Variants in ATP8A2 observed in about 807,000 individuals in gnomAD.
ATP8A2 encodes the protein ATPase phospholipid transporting 8A2, also known as phospholipid-transporting ATPase IB.
In ATP8A2, 100 loss-of-function variants were observed where a neutral mutation model predicts 165.6. The ratio of observed to expected loss-of-function variants is 0.60; its 90% CI spans 0.51 to 0.71. ATP8A2 has a LOEUF of 0.71. Ranked by LOEUF, ATP8A2 falls within the 30% of genes least tolerant of loss-of-function variation. ATP8A2 has a pLI of 0.00. For synonymous variants in ATP8A2, 543 were observed against 548.8 expected, an observed-to-expected ratio of 0.99 and a Z score of 0.15; for missense variants, 1,227 against 1,479.5, an observed-to-expected ratio of 0.83 and a Z score of 2.80.
intron 33 of ATP8A2, among the ~76,000 whole-genome samples, chr13:25,893,109 T>C (rs1330581341): frequency 6.6e-6 from 1 of 152,018 alleles, no homozygotes. Context: ...TGCAGGTTTG[T>C]TACATATGTA....
chr13:25,601,878 G>A (rs2040397284), intron 24 of ATP8A2, among the ~76,000 whole-genome samples: 1 of 152,214 alleles, frequency 6.6e-6, no homozygotes, highest in Admixed American at 6.5e-5. Context: ...ATGGTCCGTT[G>A]AGTGCTTTTT....
chr13:25,741,676 C>T (rs1331343915), intron 25 of ATP8A2, among the ~76,000 whole-genome samples: 1 of 152,064 alleles, frequency 6.6e-6, no homozygotes, highest in African/African-American at 2.4e-5. Context: ...CATATCTGGC[C>T]AACATTTTAG....
At position 25,718,084 on chromosome 13, in the gene ATP8A2, C is replaced by T. The variant is rs111446194; in HGVS notation, c.2384+18739C>T. ...GCCTGTTTCAAAATTATGTCCCATG[C>T]ACCCCAGCATTTATTCCCTTGATGT... On this transcript the variant is annotated intron_variant, in intron 25 of 36. Transcript: ENST00000381655. Among the ~76,000 whole-genome samples the T allele has an allele frequency of 8.1e-4, 124 of 152,254 alleles. 1 individual carries two copies. The highest frequency in any genetic ancestry group is 1.2e-3 in the Admixed American group (19 of 15,300).
At chr13:25,958,884 G>A (rs1216011354) in intron 33 of ATP8A2, among the ~76,000 whole-genome samples, 1 of 152,106 alleles carries the variant, frequency 6.6e-6, no homozygotes. Flanking sequence ...AGCAACTAAA[G>A]TTCTGAGTTT....
intron 27 of ATP8A2, among the ~76,000 whole-genome samples, chr13:25,786,738 T>TAAA (rs2045036273): frequency 6.7e-6 from 1 of 150,238 alleles, no homozygotes; most frequent in African/African-American, 2.5e-5. Flanking sequence ...TAACCCTTTT[T>TAAA]AATGCACAAT....
intron 25 of ATP8A2, among the ~76,000 whole-genome samples, chr13:25,738,351 C>G (rs147266059): frequency 1.3e-5 from 1 of 79,260 alleles, no homozygotes; most frequent in Admixed American, 1.4e-4. Context: ...CCCCCCCCCC[C>G]ACACACACTT....
chr13:25,833,904 A>G (rs987446103), intron 28 of ATP8A2, among the ~76,000 whole-genome samples: 2 of 151,932 alleles, frequency 1.3e-5, no homozygotes, highest in East Asian at 3.8e-4. Flanking sequence ...ATTTCATAAT[A>G]TAAAGACAGG....
intron 27 of ATP8A2, among the ~76,000 whole-genome samples, chr13:25,781,451 T>A (rs1288869793): frequency 6.6e-6 from 1 of 152,218 alleles, no homozygotes; most frequent in East Asian, 1.9e-4. Flanking sequence ...TCATCAATTT[T>A]TTATTATTGT....
chr13:25,977,630 CTGT>C (rs370018492), intron 35 of ATP8A2, among the ~76,000 whole-genome samples: 274 of 152,118 alleles, frequency 1.8e-3, no homozygotes, highest in Non-Finnish European at 3.0e-3. Context: ...TTCCAAGAGC[CTGT>C]TGTTGTTGTT....
At chr13:25,470,586 A>G (rs1009140988) in intron 2 of ATP8A2, among the ~76,000 whole-genome samples, 9 of 152,218 alleles carry the variant, frequency 5.9e-5, no homozygotes, top group Admixed American at 4.6e-4. Flanking sequence ...TTACCATATG[A>G]CCTAGCCGTT....
intron 25 of ATP8A2, among the ~76,000 whole-genome samples, chr13:25,747,643 C>A (rs1212092874): frequency 6.6e-6 from 1 of 152,086 alleles, no homozygotes; most frequent in Non-Finnish European, 1.5e-5. Flanking sequence ...GGATACAATG[C>A]GTGGGGAGGG....
chr13:25,730,431 T>G (rs977655), intron 25 of ATP8A2, among the ~76,000 whole-genome samples: 3 of 151,934 alleles, frequency 2.0e-5, no homozygotes, highest in Non-Finnish European at 4.4e-5. Context: ...TGGGGACTAC[T>G]TTCTATTACA....
chr13:25,989,805 T>G (rs1164816079), intron 35 of ATP8A2, among the ~76,000 whole-genome samples: 1 of 152,228 alleles, frequency 6.6e-6, no homozygotes, highest in Admixed American at 6.5e-5. Context: ...GTGGCCATTG[T>G]TCTCATGCTT....
intron 29 of ATP8A2, among the ~76,000 whole-genome samples, chr13:25,837,893 T>G (rs1951659769): frequency 6.6e-6 from 1 of 150,788 alleles, no homozygotes; most frequent in Non-Finnish European, 1.5e-5. Context: ...CAAAGCTGGG[T>G]GGGGTGTTAA....
intron 25 of ATP8A2, among the ~76,000 whole-genome samples, chr13:25,764,052 C>A (rs1278140132): frequency 6.6e-6 from 1 of 151,926 alleles, no homozygotes; most frequent in Non-Finnish European, 1.5e-5. Context: ...TAAGAAAATC[C>A]TTTTCATAGG....
At chr13:25,836,513 C>T (rs1336641602) in intron 28 of ATP8A2, among the ~76,000 whole-genome samples, 27 of 152,160 alleles carry the variant, frequency 1.8e-4, no homozygotes, top group Admixed American at 1.8e-3. Context: ...CTCCCTTCTC[C>T]TTCTGCGTCC....
chr13:25,589,272 G>A (rs1390707825), intron 23 of ATP8A2, among the ~76,000 whole-genome samples: 2 of 152,186 alleles, frequency 1.3e-5, no homozygotes, highest in Admixed American at 6.5e-5. Flanking sequence ...AGCTATCCCA[G>A]TGGGTGTGTG....
At chr13:25,908,329 A>G (rs528820225) in intron 33 of ATP8A2, among the ~76,000 whole-genome samples, 57 of 152,310 alleles carry the variant, frequency 3.7e-4, no homozygotes, top group African/African-American at 1.3e-3. Context: ...TGTTGAACAT[A>G]GTTTCACCCT....
At chr13:25,480,186 C>T (rs1395292221) in intron 2 of ATP8A2, among the ~76,000 whole-genome samples, 1 of 150,650 alleles carries the variant, frequency 6.6e-6, no homozygotes, top group Non-Finnish European at 1.5e-5. Flanking sequence ...CCCCACCTCC[C>T]TCCCGGACGG....
Sources: allele counts gnomAD v4.1 joint callset (sites outside exome capture counted in the v4.1 genomes callset), GRCh38; gene constraint gnomAD v4.1.1; transcripts MANE v1.5; gene names NCBI Gene and HGNC (gene_info 2026-07-23, HGNC 2026-07-21).